The following IFI16 variants were observed in gnomAD, a reference collection of about 807,000 sequenced individuals.
IFI16 encodes gamma-interferon-inducible protein 16.
In IFI16, 49 loss-of-function variants were observed where a neutral mutation model predicts 68.4. That is an observed-to-expected ratio of 0.72 (90% CI 0.57 to 0.91). The LOEUF is 0.91. Ranked by LOEUF, IFI16 falls within the 40% of genes least tolerant of loss-of-function variation. IFI16 has a pLI of 0.00. For synonymous variants in IFI16, 307 were observed against 315.0 expected (o/e 0.97, Z 0.27); for missense variants, 878 against 942.9 (o/e 0.93, Z 0.90).
intron 1 of IFI16, among the ~76,000 whole-genome samples, chr1:159,011,260 T>C (rs1180398044): frequency 3.9e-5 from 6 of 151,972 alleles, no homozygotes; most frequent in Admixed American, 6.6e-5. Context: ...CATGTGTGCC[T>C]GTAATCCCAG....
chr1:159,003,010 G>T (rs1652116251), upstream of IFI16, among the ~76,000 whole-genome samples: 1 of 152,210 alleles, frequency 6.6e-6, no homozygotes, highest in Non-Finnish European at 1.5e-5. Flanking sequence ...CTTGTAGAAT[G>T]ATTTCAAAAG....
chr1:159,005,499 A>G (rs368459480), upstream of IFI16, among the ~76,000 whole-genome samples: 5 of 151,944 alleles, frequency 3.3e-5, no homozygotes, highest in African/African-American at 1.2e-4. Context: ...CTTTTATTCC[A>G]CTCCAAAGTA....
At chr1:159,052,486 A>G (rs1655424246) in intron 10 of IFI16, 1 of 168,522 alleles carries the variant, frequency 5.9e-6, no homozygotes, top group Admixed American at 5.6e-5. Flanking sequence ...TGTGAATAAA[A>G]GAGTTGCTCT....
chr1:159,052,207 C>T, intron 10 of IFI16, 109 bp downstream of exon 10: 1 of 756,806 alleles, frequency 1.3e-6, no homozygotes, highest in Non-Finnish European at 2.1e-6. Flanking sequence ...AAAATCAACC[C>T]CTTCACCCTT....
intron 7 of IFI16, among the ~76,000 whole-genome samples, chr1:159,043,332 T>C (rs1472507101): frequency 1.3e-5 from 2 of 152,272 alleles, no homozygotes; most frequent in Non-Finnish European, 2.9e-5. Flanking sequence ...ACTCTGTCCA[T>C]GCATACTGGC....
upstream of IFI16, among the ~76,000 whole-genome samples, chr1:159,002,368 C>A (rs966458508): frequency 6.6e-6 from 1 of 151,276 alleles, no homozygotes; most frequent in Admixed American, 6.6e-5. Context: ...AAACACCAAC[C>A]CTCAGATATA....
At chr1:159,047,450 T>C (rs2852698) in intron 8 of IFI16, among the ~76,000 whole-genome samples, 142,419 of 144,040 alleles carry the variant, frequency 0.99, 70,447 homozygotes, top group Non-Finnish European at 1. Context: ...TCTGTTACTG[T>C]AATGACATAC....
intron 1 of IFI16, among the ~76,000 whole-genome samples, chr1:159,010,817 T>C (rs1652503725): frequency 6.6e-6 from 1 of 152,198 alleles, no homozygotes; most frequent in East Asian, 1.9e-4. Flanking sequence ...ATTTTTTTTT[T>C]CCTTGTGGCA....
chr1:159,019,691 C>T (rs1653177719), intron 5 of IFI16, among the ~76,000 whole-genome samples: 1 of 152,088 alleles, frequency 6.6e-6, no homozygotes, highest in South Asian at 2.1e-4. Flanking sequence ...GGTCTCCTGA[C>T]CTCGTGATCT....
intron 8 of IFI16, among the ~76,000 whole-genome samples, chr1:159,046,856 T>C (rs1339907381): frequency 6.6e-6 from 1 of 151,368 alleles, no homozygotes; most frequent in African/African-American, 2.4e-5. Context: ...GCATTTATCA[T>C]AGCTATAATA....
At chr1:159,015,302 T>C (rs772494836) in intron 2 of IFI16, among the ~76,000 whole-genome samples, 3 of 152,222 alleles carry the variant, frequency 2.0e-5, no homozygotes, top group Non-Finnish European at 2.9e-5. Context: ...ATCTGTTCTA[T>C]TGAGACCATT....
chr1:159,015,129 T>C (rs779192802), intron 2 of IFI16, among the ~76,000 whole-genome samples, 184 bp downstream of exon 2: 4 of 152,134 alleles, frequency 2.6e-5, no homozygotes, highest in Non-Finnish European at 5.9e-5. Context: ...ATTACTGGTG[T>C]AGATTGAAGT....
intron 6 of IFI16, among the ~76,000 whole-genome samples, chr1:159,026,856 A>G (rs1284533002): frequency 2.6e-5 from 4 of 152,088 alleles, no homozygotes; most frequent in Non-Finnish European, 1.5e-5. Context: ...ACTGATTTTC[A>G]TGCTTTAATT....
intron 7 of IFI16, among the ~76,000 whole-genome samples, chr1:159,036,949 TTGAC>T (rs375737435): frequency 4.7e-4 from 71 of 152,326 alleles, no homozygotes; most frequent in African/African-American, 1.6e-3. Flanking sequence ...ATTGTCCTGT[TTGAC>T]TGGTAAATTC....
At position 159,015,907 on chromosome 1, in the gene IFI16, G is replaced by A; in HGVS notation, c.301G>A (p.Glu101Lys). 1.9e-6 allele frequency: 3 copies of A among 1,614,044 alleles called. No individual in the cohort carries two copies. Among genetic ancestry groups the A allele is most frequent in the Non-Finnish European group, 1.7e-6 (2 of 1,179,918 alleles). Residue 101 changes from glutamate to lysine, a missense_variant, in exon 3 of 12, where the codon GAA (glutamate) becomes AAA (lysine). Physicochemically the swap from Glu to Lys is moderately conservative, Grantham distance 56. Coordinates refer to ENST00000295809, the MANE Select transcript of IFI16 (RefSeq NM_001376587.1). Reference protein sequence around the residue: ...GPALSRKRKKEVDATSPAPST... With the variant: ...GPALSRKRKKKVDATSPAPST... ...AGCCCTATCAAGAAAGAGGAAGAAGGAAGTGGATGCTACTTCACCTGCACC... is the reference window on the plus strand; with the variant it reads ...AGCCCTATCAAGAAAGAGGAAGAAGAAAGTGGATGCTACTTCACCTGCACC...
intron 7 of IFI16, among the ~76,000 whole-genome samples, chr1:159,035,069 A>G (rs1654243020): frequency 6.6e-6 from 1 of 152,186 alleles, no homozygotes; most frequent in Non-Finnish European, 1.5e-5. Context: ...CCCAAGCCCC[A>G]AGCTGTATTC....
intron 6 of IFI16, among the ~76,000 whole-genome samples, chr1:159,028,487 G>T (rs566102118): frequency 6.6e-6 from 1 of 152,150 alleles, no homozygotes; most frequent in East Asian, 1.9e-4. Context: ...TGTATATTCT[G>T]CAGTTGTTGG....
At chr1:159,031,196 C>T (rs552542763) in intron 6 of IFI16, among the ~76,000 whole-genome samples, 1 of 152,266 alleles carries the variant, frequency 6.6e-6, no homozygotes, top group Non-Finnish European at 1.5e-5. Context: ...CCACCAACAA[C>T]GCTGAGTTTA....
rs531846189 is a variant in IFI16, at chr1:159,014,850, G to T, written c.170G>T (p.Arg57Leu). The change falls in exon 2 of 12, where the codon CGA (arginine) becomes CTA (leucine). Residue 57 changes from arginine (R) to leucine (L), a missense_variant. Coordinates refer to ENST00000295809, the MANE Select transcript of IFI16 (RefSeq NM_001376587.1). ...GCTGACTTGATGGAAGAAAAGTTCC[G>T]AGGTGATGCTGGTTTGGGCAAACTA... ...QIADLMEEKF[R>L]GDAGLGKLIK... is the part of the protein sequence containing the mutation. 1.9e-6 allele frequency: 3 copies of T among 1,613,858 alleles called. No homozygotes were observed. Among genetic ancestry groups the T allele is most frequent in the Non-Finnish European group, 2.5e-6 (3 of 1,179,882 alleles).
Sources: gnomAD v4.1 joint callset for allele counts (sites outside exome capture counted in the v4.1 genomes callset) on GRCh38, gnomAD v4.1.1 for gene constraint, MANE v1.5 for transcripts, NCBI Gene and HGNC (gene_info 2026-07-23, HGNC 2026-07-21) for gene names.